TBCE: variants seen among roughly 807,000 people sequenced by gnomAD.
The protein encoded by TBCE is tubulin-specific chaperone E.
Under a neutral mutation model 77.0 loss-of-function variants are expected in TBCE, and 53 were observed. The ratio of observed to expected loss-of-function variants is 0.69; its 90% confidence interval spans 0.55 to 0.87. The LOEUF (loss-of-function observed/expected upper bound fraction) is 0.87, where lower values mean the gene tolerates loss of function less well. TBCE is among the 40% of genes least tolerant of loss of function. TBCE has a pLI of 0.00. For missense variants in TBCE, 624 were observed against 622.4 expected, an observed-to-expected ratio of 1.00 and a Z score of -0.03; for synonymous variants, 235 against 241.3, an observed-to-expected ratio of 0.97 and a Z score of 0.24.
chr1:235,418,819 A>G (rs988801943), intron 4 of TBCE, among the ~76,000 whole-genome samples: 4 of 152,252 alleles, frequency 2.6e-5, no homozygotes, highest in African/African-American at 9.6e-5. Context: ...GTTTCAGAAT[A>G]TTAAAAAATG....
At chr1:235,400,408 C>CTTTTTTTTTTTT (rs71174425) in intron 2 of TBCE, among the ~76,000 whole-genome samples, 7 of 106,028 alleles carry the variant, frequency 6.6e-5, no homozygotes, top group African/African-American at 1.7e-4. Flanking sequence ...TATTTTTCCT[C>CTTTTTTTTTTTT]TTTTTTTTTT....
At chr1:235,410,323 T>C (rs993737311) in intron 3 of TBCE, among the ~76,000 whole-genome samples, 1 of 152,112 alleles carries the variant, frequency 6.6e-6, no homozygotes, top group African/African-American at 2.4e-5. Context: ...TGGGTGCCCA[T>C]TTTTATGGTT....
intron 1 of TBCE, 135 bp from the exon 2 acceptor site, chr1:235,379,884 G>C (rs1572324056): frequency 1.9e-6 from 1 of 527,900 alleles, no homozygotes; most frequent in Non-Finnish European, 3.4e-6. Context: ...GAAGGTGGGG[G>C]TTGCAGTGAG....
intron 8 of TBCE, among the ~76,000 whole-genome samples, chr1:235,434,549 C>CTTTTTTTT (rs113532290): frequency 2.0e-5 from 3 of 146,856 alleles, no homozygotes; most frequent in African/African-American, 7.5e-5. Context: ...TTTTCTTTTT[C>CTTTTTTTT]TTTTTTTGAG....
rs1256702231 is a variant in TBCE, at chr1:235,437,773, A to T, written c.1116+299A>T. Reference sequence around the variant, plus strand: ...AGGCCAAGGCTGCAGTGAGCCATGAACATGCCACTGCACTCCAGCCTGGGC... The same window carrying T: ...AGGCCAAGGCTGCAGTGAGCCATGATCATGCCACTGCACTCCAGCCTGGGC... On this transcript the variant is annotated intron_variant, in intron 12 of 16. Coordinates refer to ENST00000642610, the MANE Select transcript of TBCE (RefSeq NM_003193.5). Among the ~76,000 whole-genome samples the T allele has an allele frequency of 2.6e-5, 4 of 151,650 alleles. No individual in the cohort carries two copies. In the East Asian group the frequency reaches 7.8e-4, roughly 29 times the overall value.
intron 13 of TBCE, among the ~76,000 whole-genome samples, chr1:235,440,616 A>G (rs895233221): frequency 8.7e-5 from 13 of 148,904 alleles, no homozygotes; most frequent in African/African-American, 3.0e-4. Flanking sequence ...CTGGTCTCAA[A>G]CTCCTGAACT....
chr1:235,447,621 A>C (rs1260142216), intron 15 of TBCE, among the ~76,000 whole-genome samples: 1 of 152,184 alleles, frequency 6.6e-6, no homozygotes, highest in Non-Finnish European at 1.5e-5. Context: ...GAGTTGAGAG[A>C]TGTCCTCAGG....
chr1:235,441,632 GC>G lies in TBCE; in HGVS notation c.1271-179del. 5 of 606,326 alleles carry G rather than the reference GC, an allele frequency of 8.2e-6. No individual in the cohort carries two copies. In the South Asian group the frequency reaches 9.8e-5, roughly 12 times the overall value. The allele number at this position is 606,326 out of a possible 1,614,324, so 37.6% of individuals were successfully genotyped here. ...CAGCTCTGGGTAGATAGAAGATTCT[GC>G]CCTTGGAAGTGGTCGTTGTCCATCA... On this transcript the variant is annotated intron_variant, in intron 13 of 16. Coordinates refer to ENST00000642610, the MANE Select transcript of TBCE (RefSeq NM_003193.5).
chr1:235,419,643 A>G (rs952434835), intron 5 of TBCE, 82 bp downstream of exon 5: 1 of 1,578,368 alleles, frequency 6.3e-7, no homozygotes, highest in East Asian at 2.2e-5. Flanking sequence ...TTGCCTACCC[A>G]TTGTCCAGTC....
chr1:235,412,999 C>T (rs765661322), intron 3 of TBCE, among the ~76,000 whole-genome samples: 33 of 151,920 alleles, frequency 2.2e-4, no homozygotes, highest in Admixed American at 6.6e-4. Flanking sequence ...GATGGGGTTT[C>T]TTCATGTTGG....
In TBCE at chr1:235,384,119, T is replaced by G. The variant is rs1342043946; in HGVS notation, c.100+3970T>G. Among the ~76,000 whole-genome samples, 742 of 146,324 alleles carry G rather than the reference T, an allele frequency of 5.1e-3. 7 individuals are homozygous for G. Among genetic ancestry groups the G allele is most frequent in the African/African-American group, 0.018 (700 of 39,822 alleles). On this transcript the variant is annotated intron_variant, in intron 2 of 16. Transcript: ENST00000642610. ...TTCTGTTTATATGCTGGATTACATT[T>G]ATTGATTTGCATATATTGAACCAGC...
chr1:235,448,898 A>AT lies in TBCE; in HGVS notation c.*142dup, dbSNP rs1383471326. On this transcript the variant is annotated 3_prime_UTR_variant, in exon 17 of 17. Transcript: ENST00000642610. Reference sequence around the variant, plus strand: ...TTGTCCTAAGTATAACAAGGGATGTATTTTTTGTTGGGAAGTGACCATTTC... The same window carrying AT: ...TTGTCCTAAGTATAACAAGGGATGTATTTTTTTGTTGGGAAGTGACCATTTC... 2.1e-5 allele frequency: 15 copies of AT among 723,166 alleles called. No individual in the cohort carries two copies. In the East Asian group the frequency reaches 2.2e-4, roughly 11 times the overall value. 44.8% of individuals were successfully genotyped at this position (723,166 alleles called of 1,614,324 possible).
chr1:235,427,153 A>C lies in TBCE; in HGVS notation c.474A>C (p.Val158=). Reference sequence around the variant, plus strand: ...ATGTGCTTTTAGATATCAGAAAGGTAGATTTGTCAAAAAACCTGTTGTCAT... The same window carrying C: ...ATGTGCTTTTAGATATCAGAAAGGTCGATTTGTCAAAAAACCTGTTGTCAT... ...VAEACPNIRK[V]DLSKNLLSSW... is the part of the protein sequence containing the mutation. Residue 158 remains valine, a synonymous_variant, in exon 6 of 17, where the codon GTA becomes GTC. Transcript: ENST00000642610. The C allele has an allele frequency of 6.2e-7, 1 of 1,612,538 alleles. No homozygotes were observed. The highest frequency in any genetic ancestry group is 8.5e-7 in the Non-Finnish European group (1 of 1,178,582).
intron 2 of TBCE, among the ~76,000 whole-genome samples, chr1:235,396,822 C>T (rs917177182): frequency 3.3e-5 from 5 of 152,022 alleles, no homozygotes; most frequent in African/African-American, 7.2e-5. Flanking sequence ...ATTTCTTAAT[C>T]GGATTAATAG....
At chr1:235,419,903 TG>T (rs1444003546) in intron 5 of TBCE, among the ~76,000 whole-genome samples, 1 of 151,858 alleles carries the variant, frequency 6.6e-6, no homozygotes, top group East Asian at 2.0e-4. Flanking sequence ...CTGGCCAACA[TG>T]GTGAAACCTG....
At chr1:235,385,237 C>G (rs1677924467) in intron 2 of TBCE, among the ~76,000 whole-genome samples, 2 of 151,974 alleles carry the variant, frequency 1.3e-5, no homozygotes, top group African/African-American at 2.4e-5. Flanking sequence ...TTACTTCCAA[C>G]TATGTGGTCA....
intron 2 of TBCE, among the ~76,000 whole-genome samples, chr1:235,395,295 A>T (rs1167070554): frequency 2.0e-5 from 3 of 152,174 alleles, no homozygotes; most frequent in African/African-American, 7.2e-5. Context: ...CATATAATAC[A>T]TAATAATCAC....
Position 235,411,711 on chromosome 1 carries a change from GC to G in TBCE, c.186-2720del, listed in dbSNP as rs146514793. Among the ~76,000 whole-genome samples, 863 of 152,304 alleles carry G rather than the reference GC, an allele frequency of 5.7e-3. 9 individuals are homozygous for G. The highest frequency in any genetic ancestry group is 0.032 in the East Asian group (164 of 5,194). On this transcript the variant is annotated intron_variant, in intron 3 of 16. Coordinates refer to ENST00000642610, the MANE Select transcript of TBCE (RefSeq NM_003193.5). The stretch of plus-strand genomic sequence containing the variant: ...ACAAATCACTGATGTGTGTGTATAA[GC>G]CATGAGAGAGATATGGGACTTAATT...
At chr1:235,380,294 G>A in intron 2 of TBCE, 145 bp downstream of exon 2, 1 of 709,034 alleles carries the variant, frequency 1.4e-6, no homozygotes, top group Admixed American at 2.1e-5. Context: ...CTAATTTATA[G>A]GTGCCTCCTG....
Sources: gnomAD v4.1 joint callset for allele counts (sites outside exome capture counted in the v4.1 genomes callset) on GRCh38, gnomAD v4.1.1 for gene constraint, MANE v1.5 for transcripts, NCBI Gene and HGNC (gene_info 2026-07-23, HGNC 2026-07-21) for gene names.